Variants in RAD23B observed in about 807,000 individuals in gnomAD.
RAD23B encodes the protein RAD23 nucleotide excision repair protein B, also known as lysine-specific demethylase RAD23B.
RAD23B carries 5 observed loss-of-function variants against 49.1 expected under a neutral mutation model. The ratio of observed to expected loss-of-function variants is 0.10; its 90% CI spans 0.05 to 0.21. The LOEUF is 0.21. RAD23B is among the 10% of genes least tolerant of loss of function. The probability of loss-of-function intolerance (pLI) is 1.00; values close to 1 mark genes in which losing one functional copy is unlikely to be tolerated. For missense variants in RAD23B, 356 were observed against 486.7 expected (o/e 0.73, Z 2.53); for synonymous variants, 184 against 165.4 (o/e 1.11, Z -0.86).
rs770829426 is a variant in RAD23B, at chr9:107,331,660, T to A, written c.*2004T>A. On this transcript the variant is annotated 3_prime_UTR_variant, in exon 10 of 10. Transcript: ENST00000358015. Reference sequence around the variant, plus strand: ...CTCATTTATTTTATGACATTCTCTGTCTACTCAGATCATAGTGAAAACTGG... The same window carrying A: ...CTCATTTATTTTATGACATTCTCTGACTACTCAGATCATAGTGAAAACTGG... The A allele has an allele frequency of 3.9e-6, 3 of 771,312 alleles. No individual in the cohort carries two copies. The Admixed American group carries it at 5.2e-5, about 13-fold the overall frequency. 47.8% of individuals were successfully genotyped at this position (771,312 alleles called of 1,614,324 possible). A position where few individuals can be genotyped will look rare whatever the true frequency, so the allele number is the denominator to read the frequency against.
Position 107,331,984 on chromosome 9 carries a change from A to G in RAD23B, c.*2328A>G, listed in dbSNP as rs1284975423. The G allele has an allele frequency of 1.2e-5, 5 of 402,336 alleles. No homozygotes were observed. Among genetic ancestry groups the G allele is most frequent in the African/African-American group, 4.1e-5 (2 of 48,818 alleles). 24.9% of individuals were successfully genotyped at this position (402,336 alleles called of 1,614,324 possible). ...CTTTGGAATTTTGCATTCGAGGTAT[A>G]CTGTCATTTCTTGAAATCTTTTTCT... is the stretch of plus-strand genomic sequence containing the variant. On this transcript the variant is annotated 3_prime_UTR_variant, in exon 10 of 10. Coordinates refer to ENST00000358015, the MANE Select transcript of RAD23B (RefSeq NM_002874.5).
At chr9:107,306,719 T>G in intron 4 of RAD23B, 72 bp downstream of exon 4, 1 of 1,493,802 alleles carries the variant, frequency 6.7e-7, no homozygotes. Context: ...TTTATTTTGA[T>G]TATTGTTTTG....
At chr9:107,298,678 A>G (rs985232061) in intron 1 of RAD23B, among the ~76,000 whole-genome samples, 2 of 150,190 alleles carry the variant, frequency 1.3e-5, no homozygotes, top group Non-Finnish European at 3.0e-5. Flanking sequence ...AATTAAAACA[A>G]ACTTTATTAA....
At chr9:107,296,786 C>T (rs528359044) in intron 1 of RAD23B, among the ~76,000 whole-genome samples, 212 of 151,930 alleles carry the variant, frequency 1.4e-3, no homozygotes, top group Middle Eastern at 3.4e-3. Flanking sequence ...CCGCCCACTT[C>T]GGCCTTCCAG....
At position 107,318,523 on chromosome 9, in the gene RAD23B, C is replaced by A. The variant is rs1245125595; in HGVS notation, c.554-229C>A. On this transcript the variant is annotated intron_variant, in intron 5 of 9. Transcript: ENST00000358015. This position sits in a 1 kb window ranked among gnomAD's most constrained non-coding sequence, Gnocchi z 4.3. ...TAGCAACCTTAATTTTATCTATAAC[C>A]GCAATTTCCCTTTGCCTTGTAACCT... Among the ~76,000 whole-genome samples the A allele has an allele frequency of 6.6e-6, 1 of 152,100 alleles. No individual in the cohort carries two copies. The highest frequency in any genetic ancestry group is 1.5e-5 in the Non-Finnish European group (1 of 68,022).
At chr9:107,284,392 G>A (rs11573616) in intron 1 of RAD23B, among the ~76,000 whole-genome samples, 6,290 of 151,920 alleles carry the variant, frequency 0.041, 418 homozygotes, top group African/African-American at 0.14. Context: ...AGATTTAACG[G>A]GTTTTCTGTG....
At chr9:107,286,358 G>C (rs778721138) in intron 1 of RAD23B, among the ~76,000 whole-genome samples, 2 of 152,220 alleles carry the variant, frequency 1.3e-5, no homozygotes, top group Non-Finnish European at 2.9e-5. Context: ...CTTAGTCAAA[G>C]CTCATTGGCT....
Position 107,306,051 on chromosome 9 carries a change from CTATATATATATATATATATATCTATATA to C in RAD23B, c.229-326_229-299del, listed in dbSNP as rs1564245475. Among the ~76,000 whole-genome samples, 229 of 49,788 alleles carry C rather than the reference CTATATATATATATATATATATCTATATA, an allele frequency of 4.6e-3. 6 individuals are homozygous for C. The highest frequency in any genetic ancestry group is 0.019 in the African/African-American group (213 of 11,486). 32.7% of individuals were successfully genotyped at this position (49,788 alleles called of 152,430 possible). On this transcript the variant is annotated intron_variant, in intron 3 of 9. Coordinates refer to ENST00000358015, the MANE Select transcript of RAD23B (RefSeq NM_002874.5). ...TTTGGGAAAATGATACGGTTTATAT[CTATATATATATATATATATATCTATATA>C]TCTATATATATTTCAAATTTTTTAT...
At chr9:107,296,940 C>T (rs1826538326) in intron 1 of RAD23B, among the ~76,000 whole-genome samples, 1 of 149,306 alleles carries the variant, frequency 6.7e-6, no homozygotes, top group South Asian at 2.1e-4. Context: ...CTGCAACCTC[C>T]AGCTCCCTGG....
chr9:107,321,892 C>G (rs1827117304), intron 6 of RAD23B, 91 bp from the exon 7 acceptor site: 4 of 1,262,878 alleles, frequency 3.2e-6, no homozygotes, highest in Non-Finnish European at 3.1e-6. Context: ...GAAAATCAAA[C>G]AAGATGTTAA....
rs1289995605 is a variant in RAD23B, at chr9:107,330,850, A to G, written c.*1194A>G. ...TGGAAAGTACTTTGGAAAATATACA[A>G]TCAAGATATCTCATGGCATATTAAA... is the stretch of plus-strand genomic sequence containing the variant. On this transcript the variant is annotated 3_prime_UTR_variant, in exon 10 of 10. Transcript: ENST00000358015. This position sits in a 1 kb window ranked among gnomAD's most constrained non-coding sequence, Gnocchi z 4.4. 1 of 152,668 alleles carries G rather than the reference A, an allele frequency of 6.6e-6. No individual in the cohort carries two copies. The highest frequency in any genetic ancestry group is 1.9e-4 in the East Asian group (1 of 5,198). The allele number at this position is 152,668 out of a possible 1,614,324, so 9.5% of individuals were successfully genotyped here.
intron 6 of RAD23B, among the ~76,000 whole-genome samples, chr9:107,321,728 T>C (rs1420282520): frequency 6.6e-6 from 1 of 152,200 alleles, no homozygotes; most frequent in African/African-American, 2.4e-5. Flanking sequence ...ATTTCCATCA[T>C]CATGGTAAGT....
At chr9:107,308,438 C>T (rs1303691369) in intron 4 of RAD23B, among the ~76,000 whole-genome samples, 3 of 152,060 alleles carry the variant, frequency 2.0e-5, no homozygotes, top group Admixed American at 6.5e-5. Context: ...AGGCTGGTCT[C>T]GAACTCCTGA....
chr9:107,327,355 T>A (rs1404103411), intron 9 of RAD23B, among the ~76,000 whole-genome samples: 1 of 152,184 alleles, frequency 6.6e-6, no homozygotes, highest in Non-Finnish European at 1.5e-5. Flanking sequence ...TTGTTTAGTT[T>A]TAGTTTAAGA....
chr9:107,322,004 A>G lies in RAD23B; in HGVS notation c.703A>G (p.Ser235Gly). ...LLMGIPGDRE[S>G]QAVVDPPQAA... ...ACAGGGAATCCCTGGAGATAGAGAA[A>G]GTCAGGCTGTGGTTGACCCCCCTCA... Residue 235 changes from serine to glycine, a missense_variant, in exon 7 of 10, where the codon AGT becomes GGT. Coordinates refer to ENST00000358015, the MANE Select transcript of RAD23B (RefSeq NM_002874.5). 1 of 1,611,094 alleles carries G rather than the reference A, an allele frequency of 6.2e-7. No individual in the cohort carries two copies. The highest frequency in any genetic ancestry group is 1.1e-5 in the South Asian group (1 of 90,552).
intron 1 of RAD23B, among the ~76,000 whole-genome samples, chr9:107,297,706 C>CTT (rs370317056): frequency 7.6e-6 from 1 of 132,086 alleles, no homozygotes; most frequent in Non-Finnish European, 1.6e-5. Flanking sequence ...ACTAAAGGGC[C>CTT]TTTTTTTTTT....
chr9:107,318,394 G>C lies in RAD23B; in HGVS notation c.554-358G>C, dbSNP rs1241925461. 4.6e-5 allele frequency among the ~76,000 whole-genome samples: 7 copies of C among 152,076 alleles called. No homozygotes were observed. Among genetic ancestry groups the C allele is most frequent in the African/African-American group, 1.7e-4 (7 of 41,414 alleles). ...TCCTCCTCCTCACACCTGTTTCTCT[G>C]ACCCTCTCATCTGCCTCCTCCTACT... On this transcript the variant is annotated intron_variant, in intron 5 of 9. Coordinates refer to ENST00000358015, the MANE Select transcript of RAD23B (RefSeq NM_002874.5). This position sits in a 1 kb window ranked among gnomAD's most constrained non-coding sequence, Gnocchi z 4.3.
chr9:107,301,365 C>T (rs78190386), intron 2 of RAD23B, among the ~76,000 whole-genome samples: 1,756 of 152,284 alleles, frequency 0.012, 26 homozygotes, highest in African/African-American at 0.039. Flanking sequence ...CAGAGGACCC[C>T]TGTGCAATCG....
At chr9:107,294,307 G>C (rs143461925) in intron 1 of RAD23B, among the ~76,000 whole-genome samples, 1 of 152,200 alleles carries the variant, frequency 6.6e-6, no homozygotes, top group African/African-American at 2.4e-5. Context: ...TGTTAACCAT[G>C]TCTTTGTCTC....
Sources: gnomAD v4.1 joint callset for allele counts (sites outside exome capture counted in the v4.1 genomes callset) on GRCh38, gnomAD v4.1.1 for gene constraint, Gnocchi (gnomAD v3.1) non-coding constraint, MANE v1.5 for transcripts, NCBI Gene and HGNC (gene_info 2026-07-23, HGNC 2026-07-21) for gene names.